The following KCNU1 variants were observed in gnomAD, a reference collection of about 807,000 sequenced individuals.
KCNU1 encodes the protein potassium calcium-activated channel subfamily U member 1.
A neutral mutation model predicts 126.8 loss-of-function variants in KCNU1; 93 were observed. That is an observed-to-expected ratio of 0.73 (90% CI 0.62 to 0.87). The LOEUF (loss-of-function observed/expected upper bound fraction) is 0.87, where lower values mean the gene tolerates loss of function less well. KCNU1 is among the 40% of genes least tolerant of loss of function. The pLI, the probability that KCNU1 is intolerant of heterozygous loss-of-function variation, is 0.00. For synonymous variants in KCNU1, 523 were observed against 494.2 expected, an observed-to-expected ratio of 1.06 and a Z score of -0.77; for missense variants, 1,330 against 1,367.1, an observed-to-expected ratio of 0.97 and a Z score of 0.43.
chr8:36,840,601 A>T (rs773036398), intron 15 of KCNU1, 26 bp downstream of exon 15: 4 of 1,261,210 alleles, frequency 3.2e-6, no homozygotes, highest in Non-Finnish European at 4.6e-6. Context: ...TACTTCCCTC[A>T]TTCTTCAGAC....
intron 23 of KCNU1, among the ~76,000 whole-genome samples, chr8:36,922,153 G>A (rs538204665): frequency 2.0e-4 from 30 of 152,200 alleles, no homozygotes; most frequent in Non-Finnish European, 4.3e-4. Context: ...GGCAATTTTC[G>A]AGCATGCTCC....
chr8:36,890,227 C>A (rs1036326929), intron 19 of KCNU1, among the ~76,000 whole-genome samples: 5 of 151,924 alleles, frequency 3.3e-5, no homozygotes, highest in African/African-American at 7.2e-5. Context: ...AAAGAATATT[C>A]AAGACAGAAT....
At chr8:36,831,547 T>G (rs1261699085) in intron 10 of KCNU1, among the ~76,000 whole-genome samples, 1 of 151,516 alleles carries the variant, frequency 6.6e-6, no homozygotes, top group African/African-American at 2.4e-5. Context: ...TTTGGCTGCA[T>G]AAATGTCTTC....
At chr8:36,851,481 C>T (rs2117290823) in intron 18 of KCNU1, among the ~76,000 whole-genome samples, 2 of 151,728 alleles carry the variant, frequency 1.3e-5, no homozygotes, top group South Asian at 4.2e-4. Flanking sequence ...TGTTAGTTTC[C>T]TGAGACCTCC....
At chr8:36,841,042 T>G (rs1422324915) in intron 16 of KCNU1, 39 bp downstream of exon 16, 3 of 1,279,412 alleles carry the variant, frequency 2.3e-6, no homozygotes, top group East Asian at 2.4e-5. Context: ...TTGTTTTTTT[T>G]TTTTTTTTTT....
chr8:36,804,018 C>T lies in KCNU1; in HGVS notation c.316-9C>T. On this transcript the variant is annotated splice_polypyrimidine_tract_variant and intron_variant, in intron 2 of 26. Coordinates refer to ENST00000399881, the MANE Select transcript of KCNU1 (RefSeq NM_001031836.3). ...GATTTAGACATTTGTCCCTGTTTTT[C>T]ATTTTCAGGTGATCCTTGTCTTTGT... The T allele has an allele frequency of 6.5e-7, 1 of 1,543,692 alleles. No individual in the cohort carries two copies. The highest frequency in any genetic ancestry group is 1.2e-5 in the South Asian group (1 of 84,092).
chr8:36,914,536 C>G (rs1808021600), intron 22 of KCNU1, among the ~76,000 whole-genome samples: 1 of 152,028 alleles, frequency 6.6e-6, no homozygotes, highest in African/African-American at 2.4e-5. Context: ...AATGCGAAGC[C>G]AAGCTAGGAC....
chr8:36,881,118 G>A (rs562911290), intron 19 of KCNU1, among the ~76,000 whole-genome samples: 15 of 152,318 alleles, frequency 9.8e-5, no homozygotes, highest in African/African-American at 2.6e-4. Context: ...ATTAGCTGCC[G>A]CCACTGACAA....
At chr8:36,798,772 CAATGTATTTCTTA>C (rs1204369338) in intron 2 of KCNU1, among the ~76,000 whole-genome samples, 1 of 152,152 alleles carries the variant, frequency 6.6e-6, no homozygotes, top group Non-Finnish European at 1.5e-5. Context: ...TGGACTAAAG[CAATGTATTTCTTA>C]AATGTATTTG....
At chr8:36,896,527 A>G (rs1003106792) in intron 19 of KCNU1, among the ~76,000 whole-genome samples, 1 of 152,090 alleles carries the variant, frequency 6.6e-6, no homozygotes, top group African/African-American at 2.4e-5. Flanking sequence ...TCAATTTTCC[A>G]TGGAAACAAA....
chr8:36,799,627 C>T lies in KCNU1; in HGVS notation c.316-4400C>T, dbSNP rs1031853344. On this transcript the variant is annotated intron_variant, in intron 2 of 26. Coordinates refer to ENST00000399881, the MANE Select transcript of KCNU1 (RefSeq NM_001031836.3). ...TCGGCTCTCTGCAACCTCTGCCTCC[C>T]GGGTTCAATCAATTCTCCTGTCTCA... Among the ~76,000 whole-genome samples the T allele has an allele frequency of 3.2e-4, 49 of 151,696 alleles. 1 individual carries two copies. Among genetic ancestry groups the T allele is most frequent in the African/African-American group, 8.7e-4 (36 of 41,354 alleles).
In KCNU1 at chr8:36,905,916, G is replaced by A. The variant is rs1807609038; in HGVS notation, c.2106+112G>A. On this transcript the variant is annotated intron_variant, in intron 20 of 26. Transcript: ENST00000399881. The stretch of plus-strand genomic sequence containing the variant: ...ACTTCCCTTTGTAAACTGTGAATTT[G>A]TCAAAAAAAGAAAAAAACCCACATC... 6.4e-5 allele frequency: 37 copies of A among 574,530 alleles called. No homozygotes were observed. The South Asian group carries it at 9.3e-4, about 14-fold the overall frequency. 35.6% of individuals were successfully genotyped at this position (574,530 alleles called of 1,614,324 possible).
At chr8:36,812,192 C>T (rs1004164055) in intron 7 of KCNU1, among the ~76,000 whole-genome samples, 3 of 151,842 alleles carry the variant, frequency 2.0e-5, no homozygotes, top group East Asian at 1.9e-4. Context: ...CCAGCCTAGC[C>T]GACATGGGGA....
chr8:36,872,099 TATC>T (rs1485139513), intron 19 of KCNU1, among the ~76,000 whole-genome samples: 1 of 152,154 alleles, frequency 6.6e-6, no homozygotes, highest in Non-Finnish European at 1.5e-5. Flanking sequence ...AGTAACACCT[TATC>T]ATCATCTTTC....
intron 12 of KCNU1, 64 bp downstream of exon 12, chr8:36,834,932 C>A: frequency 2.0e-6 from 2 of 1,018,444 alleles, no homozygotes; most frequent in South Asian, 1.4e-5. Context: ...AAGTAATGCC[C>A]GGTACATAAG....
intron 23 of KCNU1, among the ~76,000 whole-genome samples, chr8:36,920,007 C>T (rs1012258743): frequency 6.6e-6 from 1 of 152,202 alleles, no homozygotes; most frequent in African/African-American, 2.4e-5. Flanking sequence ...TGAAGTTCAG[C>T]TCTGAAGATC....
chr8:36,912,030 AG>A (rs1807893227), intron 22 of KCNU1, among the ~76,000 whole-genome samples: 1 of 152,208 alleles, frequency 6.6e-6, no homozygotes, highest in African/African-American at 2.4e-5. Context: ...TAGAAATAAA[AG>A]TAAGTCATGA....
intron 10 of KCNU1, among the ~76,000 whole-genome samples, chr8:36,819,092 A>C (rs1291764584): frequency 1.3e-5 from 2 of 152,128 alleles, no homozygotes; most frequent in South Asian, 2.1e-4. Flanking sequence ...ATAATGAACA[A>C]ATTTTTTTTA....
At chr8:36,834,660 T>C (rs1293593029) in intron 11 of KCNU1, 126 bp from the exon 12 acceptor site, 1 of 616,126 alleles carries the variant, frequency 1.6e-6, no homozygotes, top group African/African-American at 1.9e-5. Context: ...TTACAACTTA[T>C]TCCCAAGTGT....
Sources: gnomAD v4.1 joint callset for allele counts (sites outside exome capture counted in the v4.1 genomes callset) on GRCh38, gnomAD v4.1.1 for gene constraint, MANE v1.5 for transcripts, NCBI Gene and HGNC (gene_info 2026-07-23, HGNC 2026-07-21) for gene names.